Variants in REXO5 observed in about 807,000 individuals in gnomAD.
REXO5 encodes the protein RNA exonuclease 5.
REXO5 carries 48 observed loss-of-function variants against 88.5 expected under a neutral mutation model. That is an observed-to-expected ratio of 0.54 (90% confidence interval 0.43 to 0.69). The LOEUF is 0.69. REXO5 is among the 30% of genes least tolerant of loss of function. The probability of loss-of-function intolerance (pLI) is 0.00; values close to 1 mark genes in which losing one functional copy is unlikely to be tolerated. For missense variants in REXO5, 749 were observed against 912.2 expected (o/e 0.82, Z 2.30); for synonymous variants, 311 against 336.5 (o/e 0.92, Z 0.83).
intron 1 of REXO5, 40 bp from the exon 2 acceptor site, chr16:20,806,912 C>A (rs1301043024): frequency 6.5e-7 from 1 of 1,548,900 alleles, no homozygotes; most frequent in Non-Finnish European, 8.7e-7. Context: ...GGAATAGGGG[C>A]GCTGGAGTTT....
At chr16:20,824,936 T>C (rs2081238565) in intron 7 of REXO5, among the ~76,000 whole-genome samples, 1 of 151,736 alleles carries the variant, frequency 6.6e-6, no homozygotes, top group Non-Finnish European at 1.5e-5. Context: ...TTGAACCCAG[T>C]AGGCAGAGGT....
intron 15 of REXO5, among the ~76,000 whole-genome samples, chr16:20,843,550 GA>G (rs2081561839): frequency 1.3e-5 from 2 of 152,184 alleles, no homozygotes; most frequent in Admixed American, 1.3e-4. Flanking sequence ...TTAACAAACA[GA>G]AAAGCAGACC....
chr16:20,806,460 GC>G, upstream of REXO5: 1 of 1,551,534 alleles, frequency 6.4e-7, no homozygotes, highest in Middle Eastern at 1.7e-4. Flanking sequence ...TCCAAGTCCA[GC>G]TGCCGGAAGT....
chr16:20,821,283 G>GT (rs71682250), intron 5 of REXO5, among the ~76,000 whole-genome samples: 14 of 151,460 alleles, frequency 9.2e-5, no homozygotes, highest in Non-Finnish European at 1.3e-4. Context: ...TTTTCTCTGT[G>GT]TTTTTTTTGT....
At chr16:20,819,132 TG>T (rs2081125525) in intron 5 of REXO5, among the ~76,000 whole-genome samples, 1 of 152,230 alleles carries the variant, frequency 6.6e-6, no homozygotes, top group African/African-American at 2.4e-5. Context: ...TAGTATTCCA[TG>T]GTGTATATGT....
Position 20,819,176 on chromosome 16 carries a change from T to C in REXO5, c.476-2586T>C, listed in dbSNP as rs558334138. 3.3e-5 allele frequency among the ~76,000 whole-genome samples: 5 copies of C among 152,308 alleles called. No individual in the cohort carries two copies. The South Asian group carries it at 1.0e-3, about 32-fold the overall frequency. On this transcript the variant is annotated intron_variant, in intron 5 of 19. Coordinates refer to ENST00000261377, the MANE Select transcript of REXO5 (RefSeq NM_030941.3). ...TTTTTTTTATCTGATCTATCATTTATGGGCATTTGGGTTGATACCATGTCT... is the reference window on the plus strand; with the variant it reads ...TTTTTTTTATCTGATCTATCATTTACGGGCATTTGGGTTGATACCATGTCT...
At chr16:20,821,475 A>G (rs2152503562) in intron 5 of REXO5, among the ~76,000 whole-genome samples, 1 of 152,194 alleles carries the variant, frequency 6.6e-6, no homozygotes, top group Middle Eastern at 3.4e-3. Context: ...TATTTTTAGT[A>G]GAGACAGGGT....
intron 18 of REXO5, 98 bp from the exon 19 acceptor site, chr16:20,846,123 A>G (rs571987266): frequency 2.7e-5 from 25 of 928,474 alleles, no homozygotes; most frequent in South Asian, 1.3e-4. Context: ...CTTTACTGGA[A>G]TCCCATAGCC....
At chr16:20,842,536 G>C (rs767180603) in intron 15 of REXO5, among the ~76,000 whole-genome samples, 1 of 149,098 alleles carries the variant, frequency 6.7e-6, no homozygotes, top group Admixed American at 6.7e-5. Flanking sequence ...GTTCAGTGGC[G>C]TGATCACAAC....
At chr16:20,828,271 G>A (rs1345013761) in intron 10 of REXO5, among the ~76,000 whole-genome samples, 164 bp from the exon 11 acceptor site, 2 of 152,058 alleles carry the variant, frequency 1.3e-5, no homozygotes, top group African/African-American at 2.4e-5. Flanking sequence ...AGTTCCTCTC[G>A]CAGGGCTGGG....
chr16:20,846,851 A>G (rs1235819717), intron 19 of REXO5, among the ~76,000 whole-genome samples: 1 of 152,184 alleles, frequency 6.6e-6, no homozygotes, highest in Non-Finnish European at 1.5e-5. Flanking sequence ...TGGCCAAGCT[A>G]CTTCCCCACT....
intron 2 of REXO5, chr16:20,807,393 A>C: frequency 6.1e-6 from 2 of 325,718 alleles, no homozygotes; most frequent in Non-Finnish European, 5.8e-6. Context: ...CCTTGTCAAC[A>C]TGGAGAAATC....
intron 2 of REXO5, chr16:20,807,293 A>G: frequency 1.6e-6 from 1 of 630,364 alleles, no homozygotes; most frequent in African/African-American, 1.8e-5. Context: ...TGGGATAGTG[A>G]GTCGGCCGAG....
chr16:20,830,263 T>C (rs756358545), intron 11 of REXO5, among the ~76,000 whole-genome samples: 9 of 152,142 alleles, frequency 5.9e-5, no homozygotes, highest in African/African-American at 7.2e-5. Flanking sequence ...CTCTCTTCAC[T>C]GCAGCCTCTG....
intron 4 of REXO5, 90 bp downstream of exon 4, chr16:20,815,143 C>A: frequency 2.2e-6 from 3 of 1,391,826 alleles, no homozygotes; most frequent in Admixed American, 2.3e-5. Flanking sequence ...CCTTGGCAAC[C>A]TAACTGAACA....
chr16:20,841,273 T>C (rs749921636), intron 15 of REXO5, among the ~76,000 whole-genome samples: 2 of 152,178 alleles, frequency 1.3e-5, no homozygotes, highest in Non-Finnish European at 2.9e-5. Context: ...ACCATATCAA[T>C]AGATAAAGTT....
At position 20,825,874 on chromosome 16, in the gene REXO5, G is replaced by A; in HGVS notation, c.747G>A (p.Leu249=). 8.7e-6 allele frequency: 14 copies of A among 1,614,102 alleles called. No individual in the cohort carries two copies. The highest frequency in any genetic ancestry group is 1.2e-5 in the Non-Finnish European group (14 of 1,179,982). The change falls in exon 8 of 20, where the codon CTG becomes CTA. Residue 249 remains leucine, a synonymous_variant. Coordinates refer to ENST00000261377, the MANE Select transcript of REXO5 (RefSeq NM_030941.3). ...GGAGAGAGCTAACACGCATCTCACT[G>A]GTTGCTGAAGGAGGCTGCTGTGTTA... ...SKGRELTRIS[L]VAEGGCCVMD...
intron 14 of REXO5, 67 bp from the exon 15 acceptor site, chr16:20,840,264 T>C: frequency 1.5e-6 from 2 of 1,352,602 alleles, no homozygotes; most frequent in Non-Finnish European, 2.0e-6. Context: ...ATCCCATGCA[T>C]TGACTCATGA....
chr16:20,840,629 T>G (rs1283870828), intron 15 of REXO5, among the ~76,000 whole-genome samples, 161 bp downstream of exon 15: 4 of 152,200 alleles, frequency 2.6e-5, no homozygotes, highest in South Asian at 2.1e-4. Context: ...CCCACAAGAA[T>G]GTATACCCAG....
Sources: gnomAD v4.1 joint callset for allele counts (sites outside exome capture counted in the v4.1 genomes callset) on GRCh38, gnomAD v4.1.1 for gene constraint, MANE v1.5 for transcripts, NCBI Gene and HGNC (gene_info 2026-07-23, HGNC 2026-07-21) for gene names.